NRG3: variants seen among roughly 807,000 people sequenced by gnomAD.
The protein encoded by NRG3 is pro-neuregulin-3, membrane-bound isoform.
Under a neutral mutation model 66.9 loss-of-function variants are expected in NRG3, and 31 were observed. The observed-to-expected ratio is 0.46, with a 90% confidence interval of 0.35 to 0.63. NRG3 has a LOEUF of 0.63. Ranked by LOEUF, NRG3 falls within the 20% of genes least tolerant of loss-of-function variation. NRG3 has a pLI of 0.00. For synonymous variants in NRG3, 393 were observed against 359.4 expected (o/e 1.09, Z -1.06); for missense variants, 910 against 878.9 (o/e 1.04, Z -0.45).
intron 1 of NRG3, among the ~76,000 whole-genome samples, chr10:82,295,072 T>TA (rs5786544): frequency 0.32 from 47,947 of 150,794 alleles, 11,412 homozygotes; most frequent in African/African-American, 0.67. Context: ...CTGACTAATG[T>TA]AAAAAAAAAA....
At chr10:82,505,499 G>T (rs975651029) in intron 2 of NRG3, among the ~76,000 whole-genome samples, 1 of 152,156 alleles carries the variant, frequency 6.6e-6, no homozygotes. Flanking sequence ...TTGTCAAATT[G>T]GGCCACAGGA....
At chr10:82,356,692 A>C (rs2135565299) in intron 1 of NRG3, among the ~76,000 whole-genome samples, 1 of 152,334 alleles carries the variant, frequency 6.6e-6, no homozygotes, top group African/African-American at 2.4e-5. Flanking sequence ...TGCTCGTGGA[A>C]TATGAGTAAC....
At chr10:82,538,456 C>T (rs1222043023) in intron 2 of NRG3, among the ~76,000 whole-genome samples, 1 of 152,126 alleles carries the variant, frequency 6.6e-6, no homozygotes, top group East Asian at 1.9e-4. Context: ...GTTCTGTCTG[C>T]TTTTCCTTTT....
chr10:82,887,943 C>T (rs1842854968), intron 4 of NRG3, among the ~76,000 whole-genome samples: 1 of 152,188 alleles, frequency 6.6e-6, no homozygotes, highest in Non-Finnish European at 1.5e-5. Flanking sequence ...GTTATAAAGG[C>T]AATTTGTATT....
At chr10:82,344,839 T>C (rs2082901326) in intron 1 of NRG3, among the ~76,000 whole-genome samples, 2 of 133,490 alleles carry the variant, frequency 1.5e-5, no homozygotes, top group African/African-American at 3.6e-5. Context: ...TTTCATGTGT[T>C]TTTTGGCTGC....
chr10:81,996,512 T>G (rs1252166405), intron 1 of NRG3, among the ~76,000 whole-genome samples: 1 of 152,210 alleles, frequency 6.6e-6, no homozygotes, highest in Non-Finnish European at 1.5e-5. Context: ...CTGACTAGTA[T>G]AAGATATTTA....
rs531613020 is a variant in NRG3 at position 82,702,618 on chromosome 10, G to C, written c.954-35959G>C. On this transcript the variant is annotated intron_variant, in intron 2 of 8. Coordinates refer to ENST00000372141, the MANE Select transcript of NRG3 (RefSeq NM_001010848.4). ...AGATACAGTGCGACTGGAAGGGAAC[G>C]CAGTCCAGAACAGAATCAGGTGTTG... is the stretch of plus-strand genomic sequence containing the variant. Among the ~76,000 whole-genome samples, 5 of 152,300 alleles carry C rather than the reference G, an allele frequency of 3.3e-5. No individual in the cohort carries two copies. In the South Asian group the frequency reaches 1.0e-3, roughly 32 times the overall value.
At chr10:82,895,486 C>CCT (rs768821969) in intron 4 of NRG3, among the ~76,000 whole-genome samples, 3 of 128,338 alleles carry the variant, frequency 2.3e-5, no homozygotes, top group African/African-American at 8.8e-5. Flanking sequence ...CAATAACATT[C>CCT]TTTTTTTTTT....
chr10:82,902,990 A>G (rs1006592407), intron 4 of NRG3, among the ~76,000 whole-genome samples: 5 of 152,172 alleles, frequency 3.3e-5, no homozygotes, highest in African/African-American at 1.2e-4. Flanking sequence ...TAGGCATGTC[A>G]TGAATACATA....
intron 1 of NRG3, among the ~76,000 whole-genome samples, chr10:82,093,229 C>G (rs2066137301): frequency 6.6e-6 from 1 of 152,198 alleles, no homozygotes; most frequent in African/African-American, 2.4e-5. Context: ...CTGTCTGATA[C>G]AATGTGTTCC....
intron 3 of NRG3, among the ~76,000 whole-genome samples, chr10:82,850,325 G>A (rs168201): frequency 0.63 from 96,237 of 152,020 alleles, 31,816 homozygotes; most frequent in African/African-American, 0.84. Context: ...TCCCACTCAT[G>A]TCTTTGATTG....
In NRG3 at chr10:82,560,635, A is replaced by T. The variant is rs191712219; in HGVS notation, c.954-177942A>T. On this transcript the variant is annotated intron_variant, in intron 2 of 8. Coordinates refer to ENST00000372141, the MANE Select transcript of NRG3 (RefSeq NM_001010848.4). ...CTTTCAATCTTTATCTGAATTTATTAAAAATGTTAATCATATTTTATGTAA... is the reference window on the plus strand; with the variant it reads ...CTTTCAATCTTTATCTGAATTTATTTAAAATGTTAATCATATTTTATGTAA... Among the ~76,000 whole-genome samples the T allele has an allele frequency of 9.9e-5, 15 of 151,218 alleles. No individual in the cohort carries two copies. The East Asian group carries it at 2.6e-3, about 26-fold the overall frequency.
At chr10:82,393,148 C>T (rs2086497150) in intron 2 of NRG3, among the ~76,000 whole-genome samples, 1 of 152,112 alleles carries the variant, frequency 6.6e-6, no homozygotes, top group Admixed American at 6.6e-5. Context: ...AAAGTATCAA[C>T]ACTGAGACAA....
intron 2 of NRG3, among the ~76,000 whole-genome samples, chr10:82,717,390 CTTTTTT>C (rs59189864): frequency 1.6e-4 from 13 of 83,576 alleles, no homozygotes; most frequent in African/African-American, 5.0e-4. Context: ...ATTGGAAAAG[CTTTTTT>C]TTTTTTTTTT....
At chr10:82,568,215 G>A (rs996919302) in intron 2 of NRG3, among the ~76,000 whole-genome samples, 1 of 151,814 alleles carries the variant, frequency 6.6e-6, no homozygotes, top group Non-Finnish European at 1.5e-5. Flanking sequence ...AAGAGGCAAA[G>A]TCATGAAGGA....
At chr10:82,306,470 G>C (rs560874056) in intron 1 of NRG3, among the ~76,000 whole-genome samples, 77 of 152,058 alleles carry the variant, frequency 5.1e-4, no homozygotes, top group Middle Eastern at 3.4e-3. Flanking sequence ...TTGGGAGGCC[G>C]AGGCGGGCGG....
intron 2 of NRG3, among the ~76,000 whole-genome samples, chr10:82,516,895 G>C (rs1307049350): frequency 6.6e-6 from 1 of 152,074 alleles, no homozygotes; most frequent in Non-Finnish European, 1.5e-5. Context: ...AAATAAGAAG[G>C]TATTCATTAC....
chr10:82,869,899 C>T (rs1474153009), intron 4 of NRG3, among the ~76,000 whole-genome samples: 235 of 144,120 alleles, frequency 1.6e-3, no homozygotes, highest in Middle Eastern at 7.0e-3. Context: ...TGAGCCACCA[C>T]ACCTGGCCCC....
intron 1 of NRG3, among the ~76,000 whole-genome samples, chr10:81,994,435 AT>A (rs2060855638): frequency 1.3e-5 from 2 of 152,136 alleles, no homozygotes; most frequent in Admixed American, 1.3e-4. Flanking sequence ...CATTTACCGT[AT>A]TTAACAAGGT....
Sources: allele counts gnomAD v4.1 joint callset (sites outside exome capture counted in the v4.1 genomes callset), GRCh38; gene constraint gnomAD v4.1.1; transcripts MANE v1.5; gene names NCBI Gene and HGNC (gene_info 2026-07-23, HGNC 2026-07-21).